Variants in SLCO1A2 observed in about 807,000 individuals in gnomAD.
The protein encoded by SLCO1A2 is OATP-1.
A neutral mutation model predicts 69.0 loss-of-function variants in SLCO1A2; 67 were observed. That is an observed-to-expected ratio of 0.97 (90% CI 0.80 to 1.19). The LOEUF is 1.19. Among genes scored for constraint, SLCO1A2 ranks in the 50% most tolerant of loss-of-function variants. SLCO1A2 has a pLI of 0.00. For missense variants in SLCO1A2, 787 were observed against 793.7 expected, an observed-to-expected ratio of 0.99 and a Z score of 0.10; for synonymous variants, 260 against 265.9, an observed-to-expected ratio of 0.98 and a Z score of 0.22.
chr12:21,342,551 A>C (rs1953106489), intron 2 of SLCO1A2, among the ~76,000 whole-genome samples: 1 of 152,100 alleles, frequency 6.6e-6, no homozygotes, highest in South Asian at 2.1e-4. Context: ...GTCATCTATA[A>C]ATTTATTTCT....
intron 12 of SLCO1A2, among the ~76,000 whole-genome samples, chr12:21,282,787 T>C (rs558957004): frequency 6.6e-6 from 1 of 152,144 alleles, no homozygotes; most frequent in South Asian, 2.1e-4. Flanking sequence ...TGTTTGTATA[T>C]GCCAACAGCA....
rs114048760 is a variant in SLCO1A2, at chr12:21,369,064, A to G, written c.-63+5335T>C. ...GTGGGCAGAATTAAGGCAAGGAACT[A>G]CTGTGTTTATTATTAGTCTTCTAAT... On this transcript the variant is annotated intron_variant, in intron 2 of 15. Coordinates refer to the SLCO1A2 transcript ENST00000307378. Among the ~76,000 whole-genome samples, 470 of 152,310 alleles carry G rather than the reference A, an allele frequency of 3.1e-3. 2 individuals are homozygous for G. The highest frequency in any genetic ancestry group is 0.011 in the African/African-American group (441 of 41,574).
intron 11 of SLCO1A2, 72 bp downstream of exon 11, chr12:21,293,873 A>T: frequency 7.9e-7 from 1 of 1,260,712 alleles, no homozygotes; most frequent in Non-Finnish European, 1.1e-6. Flanking sequence ...ACTTTTATTA[A>T]ATATAGGCCC....
chr12:21,321,467 T>C (rs1004871813), intron 2 of SLCO1A2, among the ~76,000 whole-genome samples: 1 of 152,214 alleles, frequency 6.6e-6, no homozygotes, highest in African/African-American at 2.4e-5. Context: ...CATAATTTTT[T>C]GTCAAATAAA....
At chr12:21,336,691 C>T (rs1023168762), upstream of SLCO1A2, among the ~76,000 whole-genome samples, 3 of 151,950 alleles carry the variant, frequency 2.0e-5, no homozygotes, top group Non-Finnish European at 4.4e-5. Flanking sequence ...TAAAATCCAA[C>T]GGTTAATATC....
rs778001483 is a variant in SLCO1A2, at chr12:21,300,467, A to C, written c.791T>G (p.Phe264Cys). The C allele has an allele frequency of 3.1e-6, 5 of 1,613,516 alleles. No individual in the cohort carries two copies. Among genetic ancestry groups the C allele is most frequent in the Admixed American group, 3.3e-5 (2 of 59,902 alleles). ...CTTTGGAAGTGTGTTGGGCAAAAAG[A>C]AAAAAGGAATGGCAGTGAGCACGTT... ...GVNVLTAIPF[F>C]FLPNTLPKEG... Residue 264 changes from phenylalanine (F) to cysteine (C), a missense_variant, in exon 8 of 15, where the codon TTC (phenylalanine) becomes TGC (cysteine). Transcript: ENST00000683939.
intron 2 of SLCO1A2, among the ~76,000 whole-genome samples, chr12:21,366,600 G>A (rs996679790): frequency 1.3e-5 from 2 of 151,824 alleles, no homozygotes; most frequent in African/African-American, 4.8e-5. Context: ...TTTAACAAAA[G>A]GGATCTGAAG....
intron 2 of SLCO1A2, among the ~76,000 whole-genome samples, chr12:21,358,687 G>C (rs898863599): frequency 4.0e-5 from 6 of 151,700 alleles, no homozygotes; most frequent in Non-Finnish European, 8.8e-5. Flanking sequence ...ATGAAAAGAA[G>C]TCTACAAACA....
intron 1 of SLCO1A2, among the ~76,000 whole-genome samples, chr12:21,383,366 C>G (rs1940707338): frequency 6.6e-6 from 1 of 152,148 alleles, no homozygotes; most frequent in East Asian, 1.9e-4. Flanking sequence ...TAGCTGGTCC[C>G]TTAACGTCCT....
chr12:21,350,513 A>C (rs1189125391), intron 2 of SLCO1A2, among the ~76,000 whole-genome samples: 2 of 152,268 alleles, frequency 1.3e-5, no homozygotes. Flanking sequence ...CATTACTTTA[A>C]ATTGACATGC....
intron 1 of SLCO1A2, among the ~76,000 whole-genome samples, chr12:21,387,848 A>C (rs1228531293): frequency 6.6e-6 from 1 of 152,194 alleles, no homozygotes; most frequent in African/African-American, 2.4e-5. Flanking sequence ...ACGCAACACC[A>C]GCCCATAAAA....
At chr12:21,393,370 C>T (rs1324349472) in intron 1 of SLCO1A2, among the ~76,000 whole-genome samples, 6 of 152,130 alleles carry the variant, frequency 3.9e-5, no homozygotes, top group Non-Finnish European at 8.8e-5. Flanking sequence ...AGATTAATTA[C>T]TCCTGTTCAG....
At chr12:21,406,347 T>TGAA (rs5796899) in intron 1 of SLCO1A2, among the ~76,000 whole-genome samples, 103,978 of 151,798 alleles carry the variant, frequency 0.68, 35,780 homozygotes, top group Middle Eastern at 0.79. Flanking sequence ...TTAAGTAGTT[T>TGAA]GAAGGACAGA....
At chr12:21,274,437 T>G in intron 14 of SLCO1A2, 32 bp downstream of exon 14, 1 of 1,440,548 alleles carries the variant, frequency 6.9e-7, no homozygotes, top group South Asian at 1.1e-5. Context: ...TCTATGCTTA[T>G]AAAACAATTT....
At chr12:21,343,955 T>C (rs1320830409) in intron 2 of SLCO1A2, among the ~76,000 whole-genome samples, 1 of 152,114 alleles carries the variant, frequency 6.6e-6, no homozygotes, top group Non-Finnish European at 1.5e-5. Flanking sequence ...TGCCTATTAA[T>C]GGCTGAAGAA....
At chr12:21,303,397 A>C (rs1163989440) in intron 6 of SLCO1A2, among the ~76,000 whole-genome samples, 4 of 152,212 alleles carry the variant, frequency 2.6e-5, no homozygotes, top group African/African-American at 9.7e-5. Flanking sequence ...AAATCACTGA[A>C]AAAGATTATT....
At chr12:21,396,062 A>G (rs567630753), upstream of SLCO1A2, among the ~76,000 whole-genome samples, 567 of 151,918 alleles carry the variant, frequency 3.7e-3, 5 homozygotes, top group African/African-American at 0.013. Flanking sequence ...GCTTCAGACG[A>G]TCAAATTACT....
At chr12:21,287,277 C>A (rs1335328044) in intron 12 of SLCO1A2, among the ~76,000 whole-genome samples, 3 of 149,742 alleles carry the variant, frequency 2.0e-5, no homozygotes, top group Non-Finnish European at 4.4e-5. Context: ...TCATCACTGG[C>A]CATCAGAGAA....
chr12:21,367,284 G>A (rs1308641003), intron 2 of SLCO1A2, among the ~76,000 whole-genome samples: 3 of 152,134 alleles, frequency 2.0e-5, no homozygotes, highest in Non-Finnish European at 4.4e-5. Flanking sequence ...AGCTACTGCA[G>A]TATATGTTCC....
Sources: allele counts gnomAD v4.1 joint callset (sites outside exome capture counted in the v4.1 genomes callset), GRCh38; gene constraint gnomAD v4.1.1; transcripts MANE v1.5; gene names NCBI Gene and HGNC (gene_info 2026-07-23, HGNC 2026-07-21).